CALCR: variants seen among roughly 807,000 people sequenced by gnomAD.
The protein encoded by CALCR is calcitonin receptor.
Under a neutral mutation model 59.5 loss-of-function variants are expected in CALCR, and 47 were observed. The ratio of observed to expected loss-of-function variants is 0.79; its 90% CI spans 0.63 to 1.01. The LOEUF is 1.01. CALCR is among the 50% of genes least tolerant of loss of function. CALCR has a pLI of 0.00. For synonymous variants in CALCR, 213 were observed against 211.3 expected (o/e 1.01, Z -0.07); for missense variants, 566 against 597.1 (o/e 0.95, Z 0.54).
Position 93,426,419 on chromosome 7 carries a change from G to T in CALCR, c.1362C>A (p.Asn454Lys). ...TGATCTCAGCACTCTCCTCGCCTTG[G>T]TTGTTGGCTGGTTCATTCCTCAGCT... is the stretch of plus-strand genomic sequence containing the variant. ...HQELRNEPAN[N>K]QGEESAEIIP... Residue 454 changes from asparagine (N) to lysine (K), a missense_variant, in exon 14 of 14, where the codon AAC becomes AAA. By Grantham distance (94) the Asn-to-Lys change is moderately conservative. Transcript: ENST00000426151. The T allele has an allele frequency of 8.7e-6, 14 of 1,613,916 alleles. No individual in the cohort carries two copies. Among genetic ancestry groups the T allele is most frequent in the African/African-American group, 1.3e-5 (1 of 75,038 alleles).
intron 9 of CALCR, among the ~76,000 whole-genome samples, chr7:93,442,295 A>G (rs1484735238): frequency 6.6e-6 from 1 of 152,158 alleles, no homozygotes; most frequent in Non-Finnish European, 1.5e-5. Flanking sequence ...CTTGCAACCA[A>G]ATAATTGTAG....
At chr7:93,432,460 C>G (rs1215875485) in intron 13 of CALCR, among the ~76,000 whole-genome samples, 1 of 152,210 alleles carries the variant, frequency 6.6e-6, no homozygotes, top group African/African-American at 2.4e-5. Context: ...GATATTACAT[C>G]TGGCACAGTA....
In CALCR at chr7:93,550,640, C is replaced by CACACACACACAT. The variant is rs546932316; in HGVS notation, c.-27+23648_-27+23649insATGTGTGTGTGT. 2.4e-3 allele frequency among the ~76,000 whole-genome samples: 349 copies of CACACACACACAT among 146,858 alleles called. 1 individual carries two copies. Among genetic ancestry groups the CACACACACACAT allele is most frequent in the African/African-American group, 6.3e-3 (251 of 39,892 alleles). On this transcript the variant is annotated intron_variant, in intron 2 of 13. Transcript: ENST00000426151. ...ACACACACACACACACACACACACA[C>CACACACACACAT]GAGAGACAGAGTTTTGTAACAATTG...
At chr7:93,488,151 C>A (rs182743723) in intron 2 of CALCR, among the ~76,000 whole-genome samples, 1 of 151,616 alleles carries the variant, frequency 6.6e-6, no homozygotes, top group Non-Finnish European at 1.5e-5. Context: ...TAATATTCAG[C>A]CAAACTAAGC....
chr7:93,521,974 AGT>A (rs1801774283), intron 2 of CALCR, among the ~76,000 whole-genome samples: 1 of 152,130 alleles, frequency 6.6e-6, no homozygotes, highest in South Asian at 2.1e-4. Context: ...TCTTAACTTC[AGT>A]GAATTCCGTT....
chr7:93,572,267 A>T (rs1273931420), intron 2 of CALCR, among the ~76,000 whole-genome samples: 2 of 152,072 alleles, frequency 1.3e-5, no homozygotes, highest in Non-Finnish European at 2.9e-5. Context: ...TATAACAAAC[A>T]ACATTTATTT....
intron 2 of CALCR, among the ~76,000 whole-genome samples, chr7:93,511,968 A>G (rs376758063): frequency 6.8e-4 from 103 of 152,286 alleles, no homozygotes; most frequent in Middle Eastern, 3.4e-3. Flanking sequence ...TTACTATCAG[A>G]TCCCACAGTT....
chr7:93,450,208 C>T (rs780481182), intron 8 of CALCR, among the ~76,000 whole-genome samples: 14 of 151,954 alleles, frequency 9.2e-5, no homozygotes, highest in Admixed American at 3.9e-4. Context: ...AATGGAAAAA[C>T]CTCCTTTAAA....
chr7:93,573,566 A>G (rs1217767217), intron 2 of CALCR, among the ~76,000 whole-genome samples: 3 of 152,228 alleles, frequency 2.0e-5, no homozygotes, highest in Admixed American at 2.0e-4. Flanking sequence ...GATTTGCCAA[A>G]TAAAGTCTGT....
intron 2 of CALCR, among the ~76,000 whole-genome samples, chr7:93,551,600 G>A (rs1309847128): frequency 1.3e-5 from 2 of 152,106 alleles, no homozygotes; most frequent in Non-Finnish European, 2.9e-5. Context: ...AGAGGAATTT[G>A]GTAAAATCTT....
intron 2 of CALCR, among the ~76,000 whole-genome samples, chr7:93,524,944 C>T (rs1801846057): frequency 6.6e-6 from 1 of 152,040 alleles, no homozygotes; most frequent in Non-Finnish European, 1.5e-5. Context: ...ATAAAGGGCT[C>T]ATATACATAT....
chr7:93,456,731 G>T (rs964824489), intron 8 of CALCR, among the ~76,000 whole-genome samples: 1 of 152,112 alleles, frequency 6.6e-6, no homozygotes, highest in African/African-American at 2.4e-5. Context: ...AGTCTGTTAG[G>T]TTAAAAATAC....
At chr7:93,441,222 A>G (rs1799895994) in intron 9 of CALCR, among the ~76,000 whole-genome samples, 1 of 152,176 alleles carries the variant, frequency 6.6e-6, no homozygotes, top group Non-Finnish European at 1.5e-5. Context: ...TTTTCTGAGT[A>G]TGGCAGATAG....
In CALCR at chr7:93,564,231, G is replaced by A. The variant is rs115337009; in HGVS notation, c.-27+10058C>T. Among the ~76,000 whole-genome samples, 1,215 of 152,168 alleles carry A rather than the reference G, an allele frequency of 8.0e-3. 22 individuals are homozygous for A. Among genetic ancestry groups the A allele is most frequent in the African/African-American group, 0.028 (1,159 of 41,498 alleles). ...ATCTACCAGAAAGAGAGCACTTTGGGAACCAAGTGGTGAATGTGTGGGGGG... is the reference window on the plus strand; with the variant it reads ...ATCTACCAGAAAGAGAGCACTTTGGAAACCAAGTGGTGAATGTGTGGGGGG... On this transcript the variant is annotated intron_variant, in intron 2 of 13. Coordinates refer to ENST00000426151, the MANE Select transcript of CALCR (RefSeq NM_001742.4).
chr7:93,520,280 T>C (rs183223004), intron 2 of CALCR, among the ~76,000 whole-genome samples: 16 of 149,954 alleles, frequency 1.1e-4, no homozygotes, highest in Admixed American at 2.7e-4. Flanking sequence ...TTCAACCTGA[T>C]GGTGGGGAAT....
intron 3 of CALCR, among the ~76,000 whole-genome samples, chr7:93,485,853 T>C (rs753213352): frequency 5.3e-5 from 8 of 151,650 alleles, no homozygotes; most frequent in Non-Finnish European, 8.9e-5. Context: ...GTTATACTCA[T>C]TATCCAAATA....
chr7:93,440,959 ATTTAC>A (rs1031507019), intron 9 of CALCR, among the ~76,000 whole-genome samples: 56 of 152,210 alleles, frequency 3.7e-4, no homozygotes, highest in African/African-American at 1.3e-3. Flanking sequence ...CACATAAACA[ATTTAC>A]TTATTATTAT....
chr7:93,524,119 C>T (rs1188396898), intron 2 of CALCR, among the ~76,000 whole-genome samples: 1 of 151,282 alleles, frequency 6.6e-6, no homozygotes. Context: ...TGGCTAGAGT[C>T]TTACCACCCC....
At position 93,574,348 on chromosome 7, in the gene CALCR, G is replaced by T. The variant is rs2116303967; in HGVS notation, c.-86C>A. 1 of 152,420 alleles carries T rather than the reference G, an allele frequency of 6.6e-6. No individual in the cohort carries two copies. The highest frequency in any genetic ancestry group is 1.9e-4 in the East Asian group (1 of 5,156). 9.4% of individuals were successfully genotyped at this position (152,420 alleles called of 1,614,324 possible). A position where few individuals can be genotyped will look rare whatever the true frequency, so the allele number is the denominator to read the frequency against. ...CAATAGAAGCAAAGGGTGTTCGCAG[G>T]TGTGGCTCCAGGGACTCAGGCGCTC... is the stretch of plus-strand genomic sequence containing the variant. On this transcript the variant is annotated 5_prime_UTR_variant, in exon 2 of 14. Transcript: ENST00000426151.
Sources: gnomAD v4.1 joint callset for allele counts (sites outside exome capture counted in the v4.1 genomes callset) on GRCh38, gnomAD v4.1.1 for gene constraint, MANE v1.5 for transcripts, NCBI Gene and HGNC (gene_info 2026-07-23, HGNC 2026-07-21) for gene names.